The following CSMD3 variants were observed in gnomAD, a reference collection of about 807,000 sequenced individuals.
CSMD3 encodes the protein CUB and sushi domain-containing protein 3.
A neutral mutation model predicts 435.2 loss-of-function variants in CSMD3; 177 were observed. That is an observed-to-expected ratio of 0.41 (90% CI 0.36 to 0.46). The LOEUF (loss-of-function observed/expected upper bound fraction) is 0.46. Among genes scored for constraint, CSMD3 ranks in the 20% least tolerant of loss-of-function variants. CSMD3 has a pLI of 0.34. For synonymous variants in CSMD3, 1,656 were observed against 1,520.5 expected, an observed-to-expected ratio of 1.09 and a Z score of -2.07; for missense variants, 4,265 against 4,504.6, an observed-to-expected ratio of 0.95 and a Z score of 1.52.
intron 10 of CSMD3, among the ~76,000 whole-genome samples, chr8:112,873,109 T>C (rs2081182752): frequency 6.6e-6 from 1 of 152,028 alleles, no homozygotes; most frequent in Non-Finnish European, 1.5e-5. Flanking sequence ...GATCTGCAAA[T>C]TTACAAACTG....
At chr8:112,973,906 A>C (rs2084750798) in intron 7 of CSMD3, among the ~76,000 whole-genome samples, 1 of 151,896 alleles carries the variant, frequency 6.6e-6, no homozygotes, top group South Asian at 2.1e-4. Context: ...GTCAATAATG[A>C]TGAATACATT....
intron 27 of CSMD3, among the ~76,000 whole-genome samples, chr8:112,527,738 GT>G (rs1189647284): frequency 6.6e-6 from 1 of 151,788 alleles, no homozygotes; most frequent in African/African-American, 2.4e-5. Flanking sequence ...TATAATATAT[GT>G]TTATCTTTAA....
intron 30 of CSMD3, among the ~76,000 whole-genome samples, chr8:112,500,871 T>C (rs192819921): frequency 6.7e-6 from 1 of 148,696 alleles, no homozygotes; most frequent in East Asian, 2.0e-4. Context: ...GAGAAGACAA[T>C]ATAGCCCCTG....
At chr8:112,948,708 C>CT (rs201210093) in intron 8 of CSMD3, among the ~76,000 whole-genome samples, 9,823 of 150,162 alleles carry the variant, frequency 0.065, 363 homozygotes, top group Non-Finnish European at 0.081. Context: ...AATTTACCTG[C>CT]TTTTTTTTTA....
At chr8:113,249,920 T>C (rs1013450387) in intron 3 of CSMD3, among the ~76,000 whole-genome samples, 8 of 152,086 alleles carry the variant, frequency 5.3e-5, no homozygotes, top group African/African-American at 1.7e-4. Flanking sequence ...TATAAATCTA[T>C]GTAAATATAC....
At chr8:113,245,900 A>T (rs116977460) in intron 3 of CSMD3, among the ~76,000 whole-genome samples, 4,450 of 152,104 alleles carry the variant, frequency 0.029, 88 homozygotes, top group Admixed American at 0.04. Flanking sequence ...GCTACTATAA[A>T]TTCTTGGTTG....
chr8:113,118,309 C>T (rs897531451), intron 4 of CSMD3, among the ~76,000 whole-genome samples: 2 of 152,122 alleles, frequency 1.3e-5, no homozygotes, highest in Non-Finnish European at 2.9e-5. Context: ...TAAAGAATAG[C>T]TTATCTGATT....
rs148710040 is a variant in CSMD3 at position 112,255,403 on chromosome 8, A to G, written c.9887T>C (p.Ile3296Thr). ...CLPKFCGDPG[I>T]PAQGKREGKS... The stretch of plus-strand genomic sequence containing the variant: ...GCCTTCTCTTTTTCCTTGGGCAGGT[A>G]TACCAGGGTCACCACAAAACTTTGC... The change falls in exon 62 of 71, where the codon ATA (isoleucine) becomes ACA (threonine). Residue 3296 changes from isoleucine to threonine, a missense_variant. Transcript: ENST00000297405. 1.2e-6 allele frequency: 2 copies of G among 1,613,724 alleles called. No homozygotes were observed. Among genetic ancestry groups the G allele is most frequent in the Admixed American group, 1.7e-5 (1 of 59,972 alleles).
intron 1 of CSMD3, among the ~76,000 whole-genome samples, chr8:113,385,472 C>T (rs568563995): frequency 4.6e-4 from 70 of 152,136 alleles, no homozygotes; most frequent in Admixed American, 1.3e-3. Flanking sequence ...CATACATGCA[C>T]CTTGAATGGT....
At chr8:113,174,795 T>C (rs2092323108) in intron 3 of CSMD3, among the ~76,000 whole-genome samples, 1 of 151,808 alleles carries the variant, frequency 6.6e-6, no homozygotes, top group Non-Finnish European at 1.5e-5. Flanking sequence ...CTACAAATAA[T>C]AATAAAAACA....
In CSMD3 at chr8:113,205,547, A is replaced by G. The variant is rs1179121697; in HGVS notation, c.515-31631T>C. ...TAGGTTTGTGTATGTACACTCTATG[A>G]TGTTCTCATAGCAATGAAATAGCCT... On this transcript the variant is annotated intron_variant, in intron 3 of 70. Coordinates refer to ENST00000297405, the MANE Select transcript of CSMD3 (RefSeq NM_198123.2). Among the ~76,000 whole-genome samples, 6 of 152,144 alleles carry G rather than the reference A, an allele frequency of 3.9e-5. No homozygotes were observed. The East Asian group carries it at 1.2e-3, about 29-fold the overall frequency.
intron 4 of CSMD3, among the ~76,000 whole-genome samples, chr8:113,099,304 T>C (rs1001356471): frequency 6.6e-6 from 1 of 152,078 alleles, no homozygotes. Context: ...AAAGGAAACA[T>C]GTATCTTAAA....
chr8:112,850,648 A>T (rs564232237), intron 11 of CSMD3, among the ~76,000 whole-genome samples: 4 of 152,278 alleles, frequency 2.6e-5, no homozygotes, highest in East Asian at 3.9e-4. Flanking sequence ...TATTTCCTCA[A>T]TTTTTTTGTG....
rs547633351 is a variant in CSMD3, at chr8:113,382,961, A to G, written c.178+53716T>C. ...GTGCCACTGCACTCCAGCCTGGGAA[A>G]CAGAACAAGACTCTGTCTCAAAATA... On this transcript the variant is annotated intron_variant, in intron 1 of 70. Coordinates refer to ENST00000297405, the MANE Select transcript of CSMD3 (RefSeq NM_198123.2). Among the ~76,000 whole-genome samples, 43 of 152,332 alleles carry G rather than the reference A, an allele frequency of 2.8e-4. No homozygotes were observed. The South Asian group carries it at 8.3e-3, about 29-fold the overall frequency.
chr8:113,270,215 A>C (rs1588414359), intron 3 of CSMD3, among the ~76,000 whole-genome samples: 1 of 151,816 alleles, frequency 6.6e-6, no homozygotes, highest in Non-Finnish European at 1.5e-5. Flanking sequence ...AAAAATGCTC[A>C]TCATCACTGG....
intron 13 of CSMD3, among the ~76,000 whole-genome samples, chr8:112,701,124 T>C (rs2076379983): frequency 6.6e-6 from 1 of 152,162 alleles, no homozygotes; most frequent in African/African-American, 2.4e-5. Flanking sequence ...TATTAGTCTA[T>C]AATCTTTGCT....
chr8:113,144,928 T>G (rs1263990327), intron 4 of CSMD3, among the ~76,000 whole-genome samples: 2 of 151,558 alleles, frequency 1.3e-5, no homozygotes, highest in Non-Finnish European at 3.0e-5. Flanking sequence ...AACTGGAGAT[T>G]GGGAAATGAA....
intron 11 of CSMD3, among the ~76,000 whole-genome samples, chr8:112,851,483 T>C (rs2080484562): frequency 6.6e-6 from 1 of 152,008 alleles, no homozygotes. Context: ...AAAGGACCTT[T>C]GAGCCGGGCG....
intron 13 of CSMD3, among the ~76,000 whole-genome samples, chr8:112,691,543 G>A (rs1377372858): frequency 6.6e-6 from 1 of 151,612 alleles, no homozygotes; most frequent in Non-Finnish European, 1.5e-5. Context: ...AGAGGGTTTT[G>A]GGCCAATATT....
Sources: gnomAD v4.1 joint callset for allele counts (sites outside exome capture counted in the v4.1 genomes callset) on GRCh38, gnomAD v4.1.1 for gene constraint, MANE v1.5 for transcripts, NCBI Gene and HGNC (gene_info 2026-07-23, HGNC 2026-07-21) for gene names.